FIG4: variants seen among roughly 807,000 people sequenced by gnomAD.
FIG4 encodes the protein polyphosphoinositide phosphatase.
Under a neutral mutation model 118.6 loss-of-function variants are expected in FIG4, and 112 were observed. That is an observed-to-expected ratio of 0.94 (90% CI 0.81 to 1.11). The LOEUF is 1.11. FIG4 is among the 50% of genes least tolerant of loss of function. FIG4 has a pLI of 0.00. For missense variants in FIG4, 969 were observed against 1,111.7 expected, an observed-to-expected ratio of 0.87 and a Z score of 1.83; for synonymous variants, 369 against 381.2, an observed-to-expected ratio of 0.97 and a Z score of 0.37.
intron 10 of FIG4, among the ~76,000 whole-genome samples, chr6:109,748,875 A>G (rs57140317): frequency 6.6e-4 from 101 of 152,254 alleles, no homozygotes; most frequent in Admixed American, 2.2e-3. Flanking sequence ...CCATGATTCA[A>G]TTATCTCCCA....
chr6:109,710,910 A>T (rs6899506), intron 1 of FIG4, among the ~76,000 whole-genome samples: 1,258 of 105,794 alleles, frequency 0.012, 19 homozygotes, highest in African/African-American at 0.034. Context: ...ATTAGTTTTT[A>T]AAAAAAAAAA....
intron 10 of FIG4, among the ~76,000 whole-genome samples, chr6:109,752,366 G>C (rs1054528198): frequency 3.3e-5 from 5 of 151,248 alleles, no homozygotes; most frequent in Non-Finnish European, 7.4e-5. Flanking sequence ...TAATGGGATG[G>C]CTGGGTCAAA....
At chr6:109,786,991 A>C (rs1244975946) in intron 18 of FIG4, among the ~76,000 whole-genome samples, 1 of 152,044 alleles carries the variant, frequency 6.6e-6, no homozygotes, top group South Asian at 2.1e-4. Flanking sequence ...TATTATTACT[A>C]TTATTATTAG....
At chr6:109,750,746 T>C (rs1776664660) in intron 10 of FIG4, among the ~76,000 whole-genome samples, 1 of 152,192 alleles carries the variant, frequency 6.6e-6, no homozygotes, top group South Asian at 2.1e-4. Flanking sequence ...ACTAACACTA[T>C]TACACTATGG....
chr6:109,789,624 T>C lies in FIG4; in HGVS notation c.2127T>C (p.Asp709=), dbSNP rs1380304400. 2 of 1,613,482 alleles carry C rather than the reference T, an allele frequency of 1.2e-6. No homozygotes were observed. Among genetic ancestry groups the C allele is most frequent in the Non-Finnish European group, 1.7e-6 (2 of 1,179,604 alleles). Residue 709 remains aspartate, a synonymous_variant, in exon 19 of 23, where the codon GAT becomes GAC. Coordinates refer to ENST00000230124, the MANE Select transcript of FIG4 (RefSeq NM_014845.6). ...TTATGCCTAAGACCGTTGGAATTGA[T>C]CCAAGTCCATTTACTGTGCGTAAAC... ...RDFMPKTVGI[D]PSPFTVRKPD...
chr6:109,806,191 C>G (rs1239033348), intron 22 of FIG4, among the ~76,000 whole-genome samples: 1 of 152,144 alleles, frequency 6.6e-6, no homozygotes. Flanking sequence ...GAATCAGTTA[C>G]TGGTTTGTTT....
chr6:109,757,142 A>C (rs772668054), intron 10 of FIG4, among the ~76,000 whole-genome samples: 7 of 151,364 alleles, frequency 4.6e-5, no homozygotes, highest in Non-Finnish European at 1.0e-4. Flanking sequence ...AGTCTTTTCA[A>C]ACAAACAGCT....
intron 18 of FIG4, among the ~76,000 whole-genome samples, chr6:109,787,513 A>G (rs1463568462): frequency 6.6e-6 from 1 of 152,218 alleles, no homozygotes; most frequent in African/African-American, 2.4e-5. Flanking sequence ...AGCAAAAGAT[A>G]AATGACATTA....
Position 109,786,310 on chromosome 6 carries a change from G to A in FIG4, c.1957G>A (p.Ala653Thr). 3 of 1,612,104 alleles carry A rather than the reference G, an allele frequency of 1.9e-6. No homozygotes were observed. The highest frequency in any genetic ancestry group is 1.7e-6 in the Non-Finnish European group (2 of 1,178,362). ...LPLPYDEVIC[A>T]VNLKKLIVKK... is the part of the protein sequence containing the mutation. Reference sequence around the variant, plus strand: ...TGCAGTATCTCTCTTAGTTATCTGTGCTGTGAACTTAAAGAAGTTGATAGT... The same window carrying A: ...TGCAGTATCTCTCTTAGTTATCTGTACTGTGAACTTAAAGAAGTTGATAGT... The change falls in exon 18 of 23, where the codon GCT becomes ACT. Residue 653 changes from alanine to threonine, a missense_variant. Around this residue, in one of 3 missense-constraint regions of FIG4, gnomAD observed 330 missense variants for 348.1 expected, o/e 0.95. Coordinates refer to ENST00000230124, the MANE Select transcript of FIG4 (RefSeq NM_014845.6).
At chr6:109,740,542 G>A (rs1178725968) in intron 7 of FIG4, among the ~76,000 whole-genome samples, 3 of 152,056 alleles carry the variant, frequency 2.0e-5, no homozygotes, top group Admixed American at 6.6e-5. Context: ...TAAGTAAGGC[G>A]ACATAACTAA....
At chr6:109,762,823 C>A (rs113840032) in intron 12 of FIG4, among the ~76,000 whole-genome samples, 2 of 152,070 alleles carry the variant, frequency 1.3e-5, no homozygotes, top group African/African-American at 4.8e-5. Context: ...ACAGGGGTCC[C>A]CCAAGACTAG....
intron 10 of FIG4, among the ~76,000 whole-genome samples, chr6:109,751,229 T>C (rs1219885774): frequency 6.6e-6 from 1 of 152,220 alleles, no homozygotes; most frequent in East Asian, 1.9e-4. Flanking sequence ...AGGGTGATAA[T>C]GAAAATGGCA....
chr6:109,778,708 C>T (rs1302870851), intron 16 of FIG4, among the ~76,000 whole-genome samples: 2 of 152,058 alleles, frequency 1.3e-5, no homozygotes, highest in African/African-American at 2.4e-5. Flanking sequence ...ACGCCATTCT[C>T]CTGCCTCGGC....
At chr6:109,698,425 G>C (rs1470542913) in intron 1 of FIG4, among the ~76,000 whole-genome samples, 1 of 152,220 alleles carries the variant, frequency 6.6e-6, no homozygotes, top group East Asian at 1.9e-4. Context: ...AGACCAATTC[G>C]GGATAATTGA....
At chr6:109,762,244 A>G in intron 12 of FIG4, 37 bp downstream of exon 12, 1 of 1,299,660 alleles carries the variant, frequency 7.7e-7, no homozygotes, top group East Asian at 2.3e-5. Context: ...ATAAATGATG[A>G]TTTTTGCTCT....
intron 16 of FIG4, among the ~76,000 whole-genome samples, chr6:109,778,660 G>A (rs371783445): frequency 2.2e-4 from 34 of 151,934 alleles, no homozygotes; most frequent in African/African-American, 6.0e-4. Context: ...GTGCAGTGGC[G>A]CGATCTCAGC....
chr6:109,810,003 C>T lies in FIG4; in HGVS notation c.2546+13152C>T, dbSNP rs180951438. On this transcript the variant is annotated intron_variant, in intron 22 of 22. Coordinates refer to ENST00000230124, the MANE Select transcript of FIG4 (RefSeq NM_014845.6). Reference sequence around the variant, plus strand: ...AGATGGCCACAGCAGTTCCAGGTGCCACAGTCAGACACAGTAGTGCCCAGG... The same window carrying T: ...AGATGGCCACAGCAGTTCCAGGTGCTACAGTCAGACACAGTAGTGCCCAGG... Among the ~76,000 whole-genome samples, 201 of 152,190 alleles carry T rather than the reference C, an allele frequency of 1.3e-3. 1 individual carries two copies. The highest frequency in any genetic ancestry group is 6.8e-3 in the Middle Eastern group (2 of 294).
chr6:109,812,568 T>C (rs989984037), intron 22 of FIG4, among the ~76,000 whole-genome samples: 2 of 152,134 alleles, frequency 1.3e-5, no homozygotes, highest in Non-Finnish European at 2.9e-5. Flanking sequence ...GAGAAGAAAG[T>C]GTTTCAAGAA....
Position 109,691,417 on chromosome 6 carries a change from GC to G in FIG4, c.-14del. ...CCGGAGGCTCGTGCCCTGTTGTGGG[GC>G]CCCCATTTGCCGCCGCCATGCCCAC... On this transcript the variant is annotated 5_prime_UTR_variant, in exon 1 of 23. Coordinates refer to ENST00000230124, the MANE Select transcript of FIG4 (RefSeq NM_014845.6). The G allele has an allele frequency of 6.4e-7, 1 of 1,567,076 alleles. No individual in the cohort carries two copies. The highest frequency in any genetic ancestry group is 8.7e-7 in the Non-Finnish European group (1 of 1,155,458).
Sources: allele counts gnomAD v4.1 joint callset (sites outside exome capture counted in the v4.1 genomes callset), GRCh38; gene constraint gnomAD v4.1.1; regional missense constraint gnomAD v4.1.1; transcripts MANE v1.5; gene names NCBI Gene and HGNC (gene_info 2026-07-23, HGNC 2026-07-21).